TBC1D22A: variants seen among roughly 807,000 people sequenced by gnomAD.
TBC1D22A encodes putative GTPase activator.
In TBC1D22A, 38 loss-of-function variants were observed where a neutral mutation model predicts 60.2. That is an observed-to-expected ratio of 0.63 (90% CI 0.49 to 0.83). The LOEUF (loss-of-function observed/expected upper bound fraction) is 0.83. Among genes scored for constraint, TBC1D22A ranks in the 40% least tolerant of loss-of-function variants. The probability of loss-of-function intolerance (pLI) is 0.00; values close to 1 mark genes in which losing one functional copy is unlikely to be tolerated. For synonymous variants in TBC1D22A, 302 were observed against 281.7 expected (o/e 1.07, Z -0.72); for missense variants, 628 against 701.0 (o/e 0.90, Z 1.18).
At chr22:46,774,967 A>G (rs1476003290) in intron 1 of TBC1D22A, among the ~76,000 whole-genome samples, 5 of 152,234 alleles carry the variant, frequency 3.3e-5, no homozygotes, top group African/African-American at 1.2e-4. Context: ...CTGGTTTGAA[A>G]TGGGCCTTCT....
chr22:46,806,421 C>T (rs931763213), intron 4 of TBC1D22A, among the ~76,000 whole-genome samples: 1 of 145,536 alleles, frequency 6.9e-6, no homozygotes, highest in Non-Finnish European at 1.5e-5. Context: ...GTGCATAGTA[C>T]TGAAAGCTGC....
chr22:46,890,378 A>G (rs746018278), intron 5 of TBC1D22A, among the ~76,000 whole-genome samples: 16 of 152,284 alleles, frequency 1.1e-4, no homozygotes, highest in Admixed American at 2.0e-4. Flanking sequence ...CAGTGCAACA[A>G]AAGATAACAT....
intron 11 of TBC1D22A, among the ~76,000 whole-genome samples, chr22:47,099,924 T>C: frequency 6.6e-6 from 1 of 152,104 alleles, no homozygotes; most frequent in East Asian, 1.9e-4. Context: ...CCAGCCCTGG[T>C]GTTTGACACG....
At chr22:47,065,655 G>GCGGCACGAGGACTT (rs57925231) in intron 11 of TBC1D22A, among the ~76,000 whole-genome samples, 16 of 151,046 alleles carry the variant, frequency 1.1e-4, no homozygotes, top group South Asian at 2.1e-4. Context: ...GGGTTGGATT[G>GCGGCACGAGGACTT]AGGGAGACCT....
chr22:46,902,122 C>T (rs2069040543), intron 7 of TBC1D22A, among the ~76,000 whole-genome samples: 2 of 152,212 alleles, frequency 1.3e-5, no homozygotes, highest in South Asian at 4.1e-4. Context: ...TAGGGGACCT[C>T]AAGCCCCTCC....
intron 9 of TBC1D22A, among the ~76,000 whole-genome samples, chr22:46,988,718 C>G (rs1029691217): frequency 6.6e-6 from 1 of 152,206 alleles, no homozygotes; most frequent in East Asian, 1.9e-4. Context: ...ATTTATAGAG[C>G]ACAGGCAGAG....
intron 8 of TBC1D22A, among the ~76,000 whole-genome samples, chr22:46,953,581 TTGTC>T (rs770996190): frequency 1.7e-4 from 26 of 152,244 alleles, no homozygotes; most frequent in Non-Finnish European, 3.5e-4. Flanking sequence ...TAGCTTTAGT[TTGTC>T]TGAAAAAACA....
At chr22:47,139,351 G>A (rs953669844) in intron 12 of TBC1D22A, among the ~76,000 whole-genome samples, 9 of 152,186 alleles carry the variant, frequency 5.9e-5, no homozygotes, top group Non-Finnish European at 1.2e-4. Flanking sequence ...TGACGTGGCC[G>A]CACCTCCCAG....
intron 11 of TBC1D22A, among the ~76,000 whole-genome samples, chr22:47,087,763 A>G (rs1023112751): frequency 6.6e-6 from 1 of 152,206 alleles, no homozygotes; most frequent in Non-Finnish European, 1.5e-5. Context: ...TAAAACACCC[A>G]TAAGCTTAAA....
intron 12 of TBC1D22A, among the ~76,000 whole-genome samples, chr22:47,161,341 T>A (rs1043539198): frequency 2.6e-5 from 4 of 152,036 alleles, no homozygotes; most frequent in Admixed American, 6.5e-5. Flanking sequence ...TCTCTTGGTA[T>A]GGGGGGCACT....
In TBC1D22A at chr22:46,898,726, A is replaced by C. The variant is rs1169610397; in HGVS notation, c.900+3880A>C. 2.0e-5 allele frequency among the ~76,000 whole-genome samples: 3 copies of C among 152,150 alleles called. No homozygotes were observed. In the East Asian group the frequency reaches 5.8e-4, roughly 29 times the overall value. Reference sequence around the variant, plus strand: ...CTGCCATGGTGAAATTTTTACAGAAACACCTTAAAAGATCTTGCAGCTCAC... The same window carrying C: ...CTGCCATGGTGAAATTTTTACAGAACCACCTTAAAAGATCTTGCAGCTCAC... On this transcript the variant is annotated intron_variant, in intron 7 of 12. Coordinates refer to ENST00000337137, the MANE Select transcript of TBC1D22A (RefSeq NM_014346.5).
rs758811532 is a variant in TBC1D22A at position 47,173,490 on chromosome 22, C to A, written c.1426-8C>A. 8.1e-6 allele frequency: 13 copies of A among 1,613,672 alleles called. No homozygotes were observed. The highest frequency in any genetic ancestry group is 1.1e-5 in the Non-Finnish European group (13 of 1,179,820). On this transcript the variant is annotated splice_polypyrimidine_tract_variant and splice_region_variant and intron_variant, in intron 12 of 12. Transcript: ENST00000337137. ...TCCTCTGACCTGGGCTTGTCTCTTTCTCCCCAGGAGCTGCTGCTCTTCCTC... is the reference window on the plus strand; with the variant it reads ...TCCTCTGACCTGGGCTTGTCTCTTTATCCCCAGGAGCTGCTGCTCTTCCTC...
intron 8 of TBC1D22A, among the ~76,000 whole-genome samples, chr22:46,962,115 G>T (rs1449575162): frequency 6.6e-6 from 1 of 152,188 alleles, no homozygotes; most frequent in African/African-American, 2.4e-5. Flanking sequence ...GGAGATGCGG[G>T]TGTCTCTAGG....
intron 12 of TBC1D22A, among the ~76,000 whole-genome samples, chr22:47,147,141 G>A (rs1006630503): frequency 1.8e-4 from 27 of 152,210 alleles, no homozygotes; most frequent in African/African-American, 4.6e-4. Flanking sequence ...GTCAGGCCTC[G>A]GCGGGTGGCG....
intron 9 of TBC1D22A, among the ~76,000 whole-genome samples, chr22:46,975,274 G>C (rs1406635933): frequency 6.6e-6 from 1 of 152,186 alleles, no homozygotes; most frequent in Non-Finnish European, 1.5e-5. Context: ...GTGGAGGGTA[G>C]ACGGGTGAGT....
intron 10 of TBC1D22A, among the ~76,000 whole-genome samples, chr22:47,001,273 C>T (rs1029715502): frequency 6.7e-6 from 1 of 149,286 alleles, no homozygotes; most frequent in Admixed American, 6.8e-5. Flanking sequence ...GAAGTTACAA[C>T]TGAAATTGTA....
intron 10 of TBC1D22A, among the ~76,000 whole-genome samples, chr22:47,027,534 C>T (rs1163606024): frequency 6.6e-6 from 1 of 152,226 alleles, no homozygotes; most frequent in East Asian, 1.9e-4. Flanking sequence ...ATTCTTATGC[C>T]TTTGAATCCT....
intron 11 of TBC1D22A, among the ~76,000 whole-genome samples, chr22:47,094,749 G>C (rs370938841): frequency 4.6e-5 from 7 of 152,092 alleles, no homozygotes; most frequent in East Asian, 3.8e-4. Context: ...TTCAGTTAGA[G>C]AGTGTTCATA....
intron 11 of TBC1D22A, among the ~76,000 whole-genome samples, chr22:47,089,983 G>A (rs1425882211): frequency 1.3e-5 from 2 of 152,172 alleles, no homozygotes; most frequent in African/African-American, 4.8e-5. Flanking sequence ...CCGGGGATGT[G>A]AACAGTCCGG....
Sources: gnomAD v4.1 joint callset for allele counts (sites outside exome capture counted in the v4.1 genomes callset) on GRCh38, gnomAD v4.1.1 for gene constraint, MANE v1.5 for transcripts, NCBI Gene and HGNC (gene_info 2026-07-23, HGNC 2026-07-21) for gene names.